Variants in SMYD3 observed in about 807,000 individuals in gnomAD.
SMYD3 encodes SET and MYND domain containing 3.
In SMYD3, 36 loss-of-function variants were observed where a neutral mutation model predicts 57.7. The ratio of observed to expected loss-of-function variants is 0.62; its 90% CI spans 0.48 to 0.82. SMYD3 has a LOEUF of 0.82. SMYD3 is among the 40% of genes least tolerant of loss of function. The probability of loss-of-function intolerance (pLI) is 0.00; values close to 1 mark genes in which losing one functional copy is unlikely to be tolerated. For synonymous variants in SMYD3, 211 were observed against 195.0 expected, an observed-to-expected ratio of 1.08 and a Z score of -0.68; for missense variants, 515 against 538.8, an observed-to-expected ratio of 0.96 and a Z score of 0.44.
chr1:245,760,650 T>A (rs1010715311), intron 11 of SMYD3, among the ~76,000 whole-genome samples: 2 of 152,176 alleles, frequency 1.3e-5, no homozygotes, highest in African/African-American at 2.4e-5. Flanking sequence ...ATTGGGGGCA[T>A]GTGTGTCTAT....
At chr1:246,306,149 GACA>G (rs2064974297) in intron 5 of SMYD3, 1 of 152,168 alleles carries the variant, frequency 6.6e-6, no homozygotes, top group Non-Finnish European at 1.5e-5. Context: ...GACCAGCCAG[GACA>G]ACATGACGAA....
At chr1:245,862,445 T>C (rs1404174277) in intron 9 of SMYD3, among the ~76,000 whole-genome samples, 3 of 152,236 alleles carry the variant, frequency 2.0e-5, no homozygotes, top group African/African-American at 4.8e-5. Context: ...GTTCTTGTTA[T>C]ATTTCATGTC....
chr1:246,101,968 T>C (rs2061023439), intron 5 of SMYD3, among the ~76,000 whole-genome samples: 1 of 152,238 alleles, frequency 6.6e-6, no homozygotes, highest in Non-Finnish European at 1.5e-5. Context: ...CCATTATCCA[T>C]TTTAACAATC....
At chr1:246,501,882 T>G (rs577952354) in intron 1 of SMYD3, among the ~76,000 whole-genome samples, 17 of 152,346 alleles carry the variant, frequency 1.1e-4, no homozygotes, top group African/African-American at 3.6e-4. Flanking sequence ...TAGAAGACTA[T>G]TTCCAATCTC....
At chr1:246,269,603 C>T (rs1489068940) in intron 5 of SMYD3, among the ~76,000 whole-genome samples, 3 of 126,722 alleles carry the variant, frequency 2.4e-5, no homozygotes, top group Non-Finnish European at 4.9e-5. Context: ...GGCTCTTGTT[C>T]TGTTGCCCAG....
intron 1 of SMYD3, among the ~76,000 whole-genome samples, chr1:246,500,135 ATTC>A (rs1435256540): frequency 2.0e-5 from 3 of 152,140 alleles, no homozygotes; most frequent in East Asian, 1.9e-4. Context: ...TCTCTCAACC[ATTC>A]TTCTTTGTGA....
At chr1:246,370,600 T>G (rs188464743) in intron 1 of SMYD3, among the ~76,000 whole-genome samples, 35 of 152,332 alleles carry the variant, frequency 2.3e-4, no homozygotes, top group African/African-American at 8.2e-4. Context: ...ATGGAGCGCC[T>G]GCTAACACAG....
At chr1:246,270,965 C>T (rs1366401384) in intron 5 of SMYD3, among the ~76,000 whole-genome samples, 2 of 152,178 alleles carry the variant, frequency 1.3e-5, no homozygotes, top group Non-Finnish European at 2.9e-5. Flanking sequence ...TCCCCACATC[C>T]TCCCCAACAC....
At chr1:246,334,415 T>C (rs1170669142) in intron 3 of SMYD3, among the ~76,000 whole-genome samples, 3 of 152,142 alleles carry the variant, frequency 2.0e-5, no homozygotes, top group South Asian at 4.1e-4. Context: ...TGGAGCAACA[T>C]GAATGCAGTT....
intron 5 of SMYD3, among the ~76,000 whole-genome samples, chr1:246,135,707 TATATA>T (rs776509056): frequency 5.9e-5 from 9 of 152,160 alleles, no homozygotes; most frequent in Non-Finnish European, 1.2e-4. Context: ...GTATACATAT[TATATA>T]TGAACAGAGT....
intron 5 of SMYD3, among the ~76,000 whole-genome samples, chr1:246,076,755 G>A (rs1359176466): frequency 6.6e-6 from 1 of 150,988 alleles, no homozygotes; most frequent in Non-Finnish European, 1.5e-5. Flanking sequence ...GAAAAAAAAT[G>A]CTTTGCTTCA....
intron 1 of SMYD3, among the ~76,000 whole-genome samples, chr1:246,439,929 AAC>A (rs1325901227): frequency 1.3e-5 from 2 of 152,124 alleles, no homozygotes; most frequent in East Asian, 3.9e-4. Flanking sequence ...CAGCCTGGGT[AAC>A]AGAGTGAGAC....
intron 1 of SMYD3, among the ~76,000 whole-genome samples, chr1:246,484,049 T>C (rs1256563696): frequency 7.9e-6 from 1 of 125,968 alleles, no homozygotes; most frequent in African/African-American, 3.5e-5. Context: ...TAAAAACACA[T>C]CACTTCAACC....
chr1:246,422,594 G>C (rs1452385368), intron 1 of SMYD3, among the ~76,000 whole-genome samples: 1 of 152,026 alleles, frequency 6.6e-6, no homozygotes, highest in East Asian at 1.9e-4. Flanking sequence ...GCTAATTTTT[G>C]TATTTTTAGT....
At chr1:246,001,056 C>T (rs924632413) in intron 5 of SMYD3, among the ~76,000 whole-genome samples, 6 of 152,158 alleles carry the variant, frequency 3.9e-5, no homozygotes, top group African/African-American at 9.7e-5. Flanking sequence ...TCAAGTCTTA[C>T]GAAATGAGGC....
intron 1 of SMYD3, among the ~76,000 whole-genome samples, chr1:246,421,911 C>A (rs890496932): frequency 6.6e-6 from 1 of 152,238 alleles, no homozygotes; most frequent in African/African-American, 2.4e-5. Context: ...CACCTTTCCT[C>A]TGCCTTTTTG....
intron 10 of SMYD3, among the ~76,000 whole-genome samples, chr1:245,839,605 C>G (rs146525497): frequency 6.6e-6 from 1 of 151,750 alleles, no homozygotes; most frequent in Non-Finnish European, 1.5e-5. Flanking sequence ...TAAAATGTTC[C>G]GAAATTGATT....
At chr1:246,377,424 C>T (rs1194216487) in intron 1 of SMYD3, among the ~76,000 whole-genome samples, 1 of 148,214 alleles carries the variant, frequency 6.7e-6, no homozygotes, top group East Asian at 2.0e-4. Flanking sequence ...GGCTGGAGTG[C>T]AATGACGCCA....
At chr1:246,226,439 T>C (rs1333247540) in intron 5 of SMYD3, among the ~76,000 whole-genome samples, 2 of 152,256 alleles carry the variant, frequency 1.3e-5, no homozygotes, top group African/African-American at 2.4e-5. Context: ...TTTTCATCAA[T>C]GGCTGTGCTA....
Sources: allele counts gnomAD v4.1 joint callset (sites outside exome capture counted in the v4.1 genomes callset), GRCh38; gene constraint gnomAD v4.1.1; transcripts MANE v1.5; gene names NCBI Gene and HGNC (gene_info 2026-07-23, HGNC 2026-07-21).